Variants in ERC2 observed in about 807,000 individuals in gnomAD.
ERC2 encodes the protein ELKS/RAB6-interacting/CAST family member 2, also known as ERC protein 2.
In ERC2, 42 loss-of-function variants were observed where a neutral mutation model predicts 114.8. The observed-to-expected ratio is 0.37, with a 90% CI of 0.29 to 0.47. The LOEUF is 0.47. Among genes scored for constraint, ERC2 ranks in the 20% least tolerant of loss-of-function variants. The pLI is 0.99. For synonymous variants in ERC2, 454 were observed against 425.5 expected, an observed-to-expected ratio of 1.07 and a Z score of -0.82; for missense variants, 939 against 1,150.7, an observed-to-expected ratio of 0.82 and a Z score of 2.66.
chr3:55,686,712 T>C (rs2062351868), intron 16 of ERC2, among the ~76,000 whole-genome samples: 1 of 152,242 alleles, frequency 6.6e-6, no homozygotes, highest in African/African-American at 2.4e-5. Context: ...AAAATGCATC[T>C]ATCAGGCCTG....
intron 2 of ERC2, among the ~76,000 whole-genome samples, chr3:56,427,939 A>C (rs2061633855): frequency 6.6e-6 from 1 of 152,166 alleles, no homozygotes; most frequent in Non-Finnish European, 1.5e-5. Flanking sequence ...CATATCCAAT[A>C]TGTTGGGTGT....
chr3:56,203,339 T>C (rs1406282490), intron 3 of ERC2, among the ~76,000 whole-genome samples: 1 of 150,378 alleles, frequency 6.6e-6, no homozygotes, highest in Non-Finnish European at 1.5e-5. Context: ...ACCGGATTTT[T>C]CGTCCACTTT....
At chr3:56,303,404 A>C (rs1357870269) in intron 2 of ERC2, among the ~76,000 whole-genome samples, 2 of 152,332 alleles carry the variant, frequency 1.3e-5, no homozygotes, top group Non-Finnish European at 2.9e-5. Flanking sequence ...GGAAGGGGAG[A>C]TAAATAGCTT....
chr3:55,540,811 C>G (rs1462273523), intron 17 of ERC2, among the ~76,000 whole-genome samples: 1 of 152,190 alleles, frequency 6.6e-6, no homozygotes, highest in Admixed American at 6.5e-5. Context: ...CGGACCGGCA[C>G]CCCACAGACC....
intron 3 of ERC2, among the ~76,000 whole-genome samples, chr3:56,195,447 G>T (rs2048035585): frequency 6.6e-6 from 1 of 151,910 alleles, no homozygotes; most frequent in Non-Finnish European, 1.5e-5. Flanking sequence ...GTGGATAAGG[G>T]GGAACTACTA....
intron 13 of ERC2, among the ~76,000 whole-genome samples, chr3:55,914,208 A>T (rs2064969062): frequency 6.6e-6 from 1 of 152,178 alleles, no homozygotes; most frequent in South Asian, 2.1e-4. Flanking sequence ...CACAGAAATT[A>T]GTCAACAACT....
chr3:56,154,409 C>G (rs1457256594), intron 4 of ERC2, among the ~76,000 whole-genome samples: 1 of 152,104 alleles, frequency 6.6e-6, no homozygotes, highest in Non-Finnish European at 1.5e-5. Context: ...AAATGAAAAG[C>G]AACTAGGGTG....
chr3:55,955,010 C>T (rs905657201), intron 12 of ERC2: 4 of 329,244 alleles, frequency 1.2e-5, no homozygotes, highest in African/African-American at 6.4e-5. Context: ...CATGGAAAAG[C>T]CTTCAGGATA....
intron 1 of ERC2, among the ~76,000 whole-genome samples, chr3:56,453,972 C>T (rs1358964081): frequency 1.3e-5 from 2 of 152,120 alleles, no homozygotes; most frequent in Non-Finnish European, 2.9e-5. Flanking sequence ...GTAACTGACC[C>T]AAGCATGCCT....
At chr3:56,110,216 T>A (rs1459560048) in intron 6 of ERC2, among the ~76,000 whole-genome samples, 2 of 152,206 alleles carry the variant, frequency 1.3e-5, no homozygotes, top group Middle Eastern at 3.2e-3. Context: ...TTGGTATCAG[T>A]CTTTTGCTGA....
rs144173757 is a variant in ERC2 at position 56,313,393 on chromosome 3, G to A, written c.658-16958C>T. On this transcript the variant is annotated intron_variant, in intron 2 of 17. Coordinates refer to ENST00000288221, the MANE Select transcript of ERC2 (RefSeq NM_015576.3). Reference sequence around the variant, plus strand: ...AAAGCTGTTAAAAATGATGGGAGGCGAGAGCATTACGGATGCCTTCCTATT... The same window carrying A: ...AAAGCTGTTAAAAATGATGGGAGGCAAGAGCATTACGGATGCCTTCCTATT... Among the ~76,000 whole-genome samples the A allele has an allele frequency of 2.2e-3, 329 of 152,096 alleles. 1 individual carries two copies. The highest frequency in any genetic ancestry group is 3.4e-3 in the Middle Eastern group (1 of 292).
chr3:55,855,320 G>C (rs2061742791), intron 14 of ERC2, among the ~76,000 whole-genome samples: 1 of 152,200 alleles, frequency 6.6e-6, no homozygotes, highest in Non-Finnish European at 1.5e-5. Flanking sequence ...ATTCACTGAT[G>C]AAAGGAATAA....
intron 14 of ERC2, among the ~76,000 whole-genome samples, chr3:55,831,807 C>T (rs111402874): frequency 0.059 from 8,951 of 152,228 alleles, 315 homozygotes; most frequent in South Asian, 0.16. Flanking sequence ...CGAGGCATTG[C>T]CTCACTCGGG....
intron 13 of ERC2, among the ~76,000 whole-genome samples, chr3:55,930,995 T>TA (rs1177864672): frequency 6.6e-6 from 1 of 152,008 alleles, no homozygotes; most frequent in African/African-American, 2.4e-5. Flanking sequence ...ACAAGAATAT[T>TA]AAAAAAGGCT....
intron 7 of ERC2, among the ~76,000 whole-genome samples, chr3:56,053,212 T>TG (rs2075850946): frequency 1.3e-5 from 2 of 151,624 alleles, no homozygotes; most frequent in African/African-American, 4.9e-5. Flanking sequence ...CTTGTGTGAG[T>TG]GGTAAGAGGA....
chr3:56,077,035 A>G (rs2077008717), intron 7 of ERC2, among the ~76,000 whole-genome samples: 1 of 152,232 alleles, frequency 6.6e-6, no homozygotes, highest in South Asian at 2.1e-4. Context: ...TTATTCTTCC[A>G]TGCCAACACA....
intron 13 of ERC2, among the ~76,000 whole-genome samples, chr3:55,895,524 T>A (rs2063801263): frequency 6.6e-6 from 1 of 152,160 alleles, no homozygotes; most frequent in South Asian, 2.1e-4. Flanking sequence ...GCCTCACTAC[T>A]TTCACCCAAC....
chr3:56,276,983 G>A (rs1034641848), intron 3 of ERC2, among the ~76,000 whole-genome samples: 10 of 152,184 alleles, frequency 6.6e-5, no homozygotes, highest in African/African-American at 2.2e-4. Flanking sequence ...GGCCATACAT[G>A]CCCCCATCTT....
intron 14 of ERC2, among the ~76,000 whole-genome samples, chr3:55,856,861 T>C (rs908759866): frequency 6.6e-6 from 1 of 152,206 alleles, no homozygotes; most frequent in Non-Finnish European, 1.5e-5. Flanking sequence ...TAATACATGC[T>C]ACAACATGCA....
Sources: gnomAD v4.1 joint callset for allele counts (sites outside exome capture counted in the v4.1 genomes callset) on GRCh38, gnomAD v4.1.1 for gene constraint, MANE v1.5 for transcripts, NCBI Gene and HGNC (gene_info 2026-07-23, HGNC 2026-07-21) for gene names.